ZNHIT6: variants seen among roughly 807,000 people sequenced by gnomAD.
ZNHIT6 encodes box C/D snoRNA protein 1.
ZNHIT6 carries 45 observed loss-of-function variants against 57.2 expected under a neutral mutation model. That is an observed-to-expected ratio of 0.79 (90% CI 0.62 to 1.01). ZNHIT6 has a LOEUF of 1.01. ZNHIT6 is among the 50% of genes least tolerant of loss of function. The probability of loss-of-function intolerance (pLI) is 0.00; values close to 1 mark genes in which losing one functional copy is unlikely to be tolerated. For missense variants in ZNHIT6, 528 were observed against 567.3 expected (o/e 0.93, Z 0.70); for synonymous variants, 188 against 190.0 (o/e 0.99, Z 0.09).
intron 8 of ZNHIT6, among the ~76,000 whole-genome samples, chr1:85,664,497 G>C (rs1661310313): frequency 6.6e-6 from 1 of 152,116 alleles, no homozygotes; most frequent in South Asian, 2.1e-4. Flanking sequence ...CCATTCTCCT[G>C]AATCTTCATG....
intron 1 of ZNHIT6, 57 bp downstream of exon 1, chr1:85,707,572 T>A (rs773582753): frequency 6.7e-7 from 1 of 1,491,890 alleles, no homozygotes; most frequent in Non-Finnish European, 9.0e-7. Flanking sequence ...TTTCCTTCAC[T>A]CTAGACATGA....
intron 8 of ZNHIT6, among the ~76,000 whole-genome samples, chr1:85,673,409 T>C (rs1661619146): frequency 1.3e-5 from 2 of 152,178 alleles, no homozygotes; most frequent in Non-Finnish European, 2.9e-5. Flanking sequence ...AAATAAGTCA[T>C]GTATGGCAAA....
intron 8 of ZNHIT6, among the ~76,000 whole-genome samples, chr1:85,660,063 G>A (rs1661182052): frequency 6.6e-6 from 1 of 151,964 alleles, no homozygotes; most frequent in Admixed American, 6.6e-5. Flanking sequence ...AGGATTAAAT[G>A]CTTCACATCT....
At chr1:85,660,955 G>A (rs1277151886) in intron 8 of ZNHIT6, among the ~76,000 whole-genome samples, 2 of 152,092 alleles carry the variant, frequency 1.3e-5, no homozygotes, top group East Asian at 1.9e-4. Flanking sequence ...TCAGCAATAC[G>A]CTATTGAGTG....
intron 5 of ZNHIT6, among the ~76,000 whole-genome samples, chr1:85,682,923 G>A: frequency 6.6e-6 from 1 of 152,206 alleles, no homozygotes; most frequent in East Asian, 1.9e-4. Context: ...GTTGTATAAA[G>A]AACTGCTGGG....
rs762549142 is a variant in ZNHIT6, at chr1:85,708,279, C to G, written c.6G>C (p.Glu2Asp). 3.1e-6 allele frequency: 5 copies of G among 1,596,816 alleles called. No homozygotes were observed. The African/African-American group carries it at 4.0e-5, about 13-fold the overall frequency. Residue 2 changes from glutamate to aspartate, a missense_variant, in exon 1 of 10, where the codon GAG becomes GAC. By Grantham distance (45) the Glu-to-Asp change is conservative. Coordinates refer to ENST00000370574, the MANE Select transcript of ZNHIT6 (RefSeq NM_017953.4). M[E>D]FAAENEGKSG... ...ACTTCCCTTCATTTTCAGCAGCAAA[C>G]TCCATCAACTCACGATCCTTGGCCT... is the stretch of plus-strand genomic sequence containing the variant.
intron 4 of ZNHIT6, among the ~76,000 whole-genome samples, chr1:85,702,979 T>C (rs1662579221): frequency 6.6e-6 from 1 of 152,188 alleles, no homozygotes; most frequent in South Asian, 2.1e-4. Context: ...AATAGGGATC[T>C]AGAATTTGCA....
chr1:85,662,383 G>C (rs1661250704), intron 8 of ZNHIT6, among the ~76,000 whole-genome samples: 1 of 152,014 alleles, frequency 6.6e-6, no homozygotes, highest in South Asian at 2.1e-4. Flanking sequence ...TGAATTAGGT[G>C]ATCACTAAGA....
chr1:85,658,007 C>G, intron 8 of ZNHIT6, 36 bp from the exon 9 acceptor site: 4 of 1,345,458 alleles, frequency 3.0e-6, no homozygotes, highest in Non-Finnish European at 4.0e-6. Flanking sequence ...CCAGGAAACA[C>G]TCTTAATATT....
intron 5 of ZNHIT6, among the ~76,000 whole-genome samples, chr1:85,688,355 T>C (rs748820748): frequency 5.9e-5 from 9 of 152,208 alleles, no homozygotes; most frequent in Non-Finnish European, 1.0e-4. Context: ...CTCTTAACTC[T>C]AGAGTCCATA....
At chr1:85,680,735 T>C in intron 6 of ZNHIT6, 101 bp downstream of exon 6, 1 of 816,846 alleles carries the variant, frequency 1.2e-6, no homozygotes, top group Non-Finnish European at 1.9e-6. Flanking sequence ...TACACCACAA[T>C]TTAGTTATCC....
At position 85,676,498 on chromosome 1, in the gene ZNHIT6, T is replaced by C. The variant is rs2100675007; in HGVS notation, c.1247+738A>G. 2.6e-5 allele frequency among the ~76,000 whole-genome samples: 4 copies of C among 152,328 alleles called. No individual in the cohort carries two copies. In the South Asian group the frequency reaches 8.3e-4, roughly 32 times the overall value. On this transcript the variant is annotated intron_variant, in intron 8 of 9. Transcript: ENST00000370574. ...AGCCTATCTCGGCTTTCAACATGCC[T>C]TCCTCACTAAGCTTAATCATTCCAC...
At chr1:85,688,688 G>T (rs1234491626) in intron 5 of ZNHIT6, among the ~76,000 whole-genome samples, 1 of 152,170 alleles carries the variant, frequency 6.6e-6, no homozygotes, top group Admixed American at 6.5e-5. Flanking sequence ...AGACTGGGCA[G>T]ATTACGTAGG....
chr1:85,703,424 A>T (rs1662591955), intron 4 of ZNHIT6, among the ~76,000 whole-genome samples: 1 of 152,162 alleles, frequency 6.6e-6, no homozygotes, highest in South Asian at 2.1e-4. Flanking sequence ...AGAGCATAGT[A>T]TTGGTGCAGG....
chr1:85,662,017 A>C (rs763769221), intron 8 of ZNHIT6, among the ~76,000 whole-genome samples: 4 of 152,206 alleles, frequency 2.6e-5, no homozygotes, highest in Non-Finnish European at 4.4e-5. Flanking sequence ...AACAGGTGTT[A>C]CAGTGACATA....
At chr1:85,683,488 A>T (rs1383461492) in intron 5 of ZNHIT6, among the ~76,000 whole-genome samples, 2 of 151,964 alleles carry the variant, frequency 1.3e-5, no homozygotes, top group Non-Finnish European at 2.9e-5. Flanking sequence ...GAGCCACTGC[A>T]TTCCAGCCTG....
At chr1:85,696,321 G>C (rs1004790383) in intron 5 of ZNHIT6, among the ~76,000 whole-genome samples, 2 of 152,044 alleles carry the variant, frequency 1.3e-5, no homozygotes, top group African/African-American at 4.8e-5. Context: ...CCAATTTAAA[G>C]TGAGCTTCCT....
Position 85,702,239 on chromosome 1 carries a change from C to A in ZNHIT6, c.937G>T (p.Ala313Ser). 2 of 1,603,202 alleles carry A rather than the reference C, an allele frequency of 1.2e-6. No homozygotes were observed. Among genetic ancestry groups the A allele is most frequent in the Non-Finnish European group, 1.7e-6 (2 of 1,176,090 alleles). The stretch of plus-strand genomic sequence containing the variant: ...TTTAAGTTAATACCTTGCCTCCGGG[C>A]ACGATTTTTCATAAAGTACATCTAA... ...NKYMYFMKNR[A>S]RRQGINLKLL... The change falls in exon 5 of 10, where the codon GCC (alanine) becomes TCC (serine). Residue 313 changes from alanine to serine, a missense_variant. Transcript: ENST00000370574.
rs551684075 is a variant in ZNHIT6, at chr1:85,683,256, C to T, written c.1020-2352G>A. On this transcript the variant is annotated intron_variant, in intron 5 of 9. Transcript: ENST00000370574. ...TTGCTAGGCCAGGCAAGGTGGCTCACGCCTCTAATCCCAGCACTTTGGGAG... is the reference window on the plus strand; with the variant it reads ...TTGCTAGGCCAGGCAAGGTGGCTCATGCCTCTAATCCCAGCACTTTGGGAG... Among the ~76,000 whole-genome samples, 115 of 152,122 alleles carry T rather than the reference C, an allele frequency of 7.6e-4. 4 individuals are homozygous for T. In the South Asian group the frequency reaches 0.022, roughly 30 times the overall value.
Sources: allele counts gnomAD v4.1 joint callset (sites outside exome capture counted in the v4.1 genomes callset), GRCh38; gene constraint gnomAD v4.1.1; transcripts MANE v1.5; gene names NCBI Gene and HGNC (gene_info 2026-07-23, HGNC 2026-07-21).